CDH4: variants seen among roughly 807,000 people sequenced by gnomAD.
The protein encoded by CDH4 is cadherin 4.
In CDH4, 33 loss-of-function variants were observed where a neutral mutation model predicts 86.0. That is an observed-to-expected ratio of 0.38 (90% CI 0.29 to 0.51). The LOEUF (loss-of-function observed/expected upper bound fraction) is 0.51, where lower values mean the gene tolerates loss of function less well. Ranked by LOEUF, CDH4 falls within the 20% of genes least tolerant of loss-of-function variation. CDH4 has a pLI of 0.86. For synonymous variants in CDH4, 555 were observed against 549.4 expected (o/e 1.01, Z -0.14); for missense variants, 1,114 against 1,307.4 (o/e 0.85, Z 2.28).
chr20:61,536,548 G>A (rs1033710116), intron 2 of CDH4, among the ~76,000 whole-genome samples: 30 of 152,210 alleles, frequency 2.0e-4, no homozygotes, highest in Admixed American at 5.2e-4. Context: ...CACCCCTTCC[G>A]ATGCTCCCCA....
At chr20:61,767,024 G>A (rs780515079) in intron 3 of CDH4, among the ~76,000 whole-genome samples, 8 of 152,236 alleles carry the variant, frequency 5.3e-5, no homozygotes, top group Non-Finnish European at 1.0e-4. Context: ...TCCAGTCCTG[G>A]CCTTCCAAGC....
rs116511654 is a variant in CDH4, at chr20:61,896,368, C to T, written c.1188+1321C>T. 3.4e-4 allele frequency among the ~76,000 whole-genome samples: 52 copies of T among 152,340 alleles called. No homozygotes were observed. The East Asian group carries it at 7.1e-3, about 21-fold the overall frequency. Reference sequence around the variant, plus strand: ...GAGCCCCTCGCCACAGCGGCCGTCCCGCATCTGGGCCTCCTGCGTCCTGCA... The same window carrying T: ...GAGCCCCTCGCCACAGCGGCCGTCCTGCATCTGGGCCTCCTGCGTCCTGCA... On this transcript the variant is annotated intron_variant, in intron 8 of 15. Transcript: ENST00000614565.
chr20:61,298,024 C>T, intron 2 of CDH4, among the ~76,000 whole-genome samples: 1 of 152,342 alleles, frequency 6.6e-6, no homozygotes, highest in East Asian at 1.9e-4. Flanking sequence ...GAGGCCCACG[C>T]AGGCACCCGA....
chr20:61,478,268 C>T (rs1457275059), intron 2 of CDH4, among the ~76,000 whole-genome samples: 1 of 152,136 alleles, frequency 6.6e-6, no homozygotes, highest in Non-Finnish European at 1.5e-5. Context: ...TCTGCCAGAA[C>T]GGACATGATC....
chr20:61,426,504 C>T (rs1459355613), intron 2 of CDH4, among the ~76,000 whole-genome samples: 1 of 152,196 alleles, frequency 6.6e-6, no homozygotes, highest in Non-Finnish European at 1.5e-5. Context: ...CAGTTCTGAG[C>T]TTCAGCAACT....
chr20:61,428,822 G>A (rs1187050481), intron 2 of CDH4, among the ~76,000 whole-genome samples: 1 of 152,192 alleles, frequency 6.6e-6, no homozygotes, highest in Non-Finnish European at 1.5e-5. Flanking sequence ...TCGATGGGGA[G>A]AGAGAGATAG....
intron 4 of CDH4, among the ~76,000 whole-genome samples, chr20:61,786,853 G>T (rs1040436458): frequency 4.6e-5 from 7 of 152,218 alleles, no homozygotes; most frequent in Non-Finnish European, 1.0e-4. Context: ...CTCCAGGACT[G>T]CTGACCAGAC....
intron 2 of CDH4, among the ~76,000 whole-genome samples, chr20:61,293,109 G>C (rs887169723): frequency 1.3e-5 from 2 of 152,166 alleles, no homozygotes; most frequent in Non-Finnish European, 2.9e-5. Context: ...CATCAGGATG[G>C]TGGGGACCTA....
intron 2 of CDH4, among the ~76,000 whole-genome samples, chr20:61,627,324 C>T (rs894233515): frequency 2.0e-5 from 3 of 152,132 alleles, no homozygotes; most frequent in Non-Finnish European, 2.9e-5. Context: ...GCCTGCCTGC[C>T]GGCTTCAGGC....
rs562986745 is a variant in CDH4 at position 61,437,235 on chromosome 20, C to T, written c.169+182298C>T. 7 of 152,384 alleles carry T rather than the reference C, an allele frequency of 4.6e-5. No homozygotes were observed. The East Asian group carries it at 5.8e-4, about 13-fold the overall frequency. 9.4% of individuals were successfully genotyped at this position (152,384 alleles called of 1,614,324 possible). A position where few individuals can be genotyped will look rare whatever the true frequency, so the allele number is the denominator to read the frequency against. On this transcript the variant is annotated intron_variant, in intron 2 of 15. Coordinates refer to ENST00000614565, the MANE Select transcript of CDH4 (RefSeq NM_001794.5). Reference sequence around the variant, plus strand: ...CTGCTTTTCAACCAGAGAAATGACTCGTCTAGCAAGATCCTAGGCCCTTAG... The same window carrying T: ...CTGCTTTTCAACCAGAGAAATGACTTGTCTAGCAAGATCCTAGGCCCTTAG...
chr20:61,574,831 C>G (rs985477447), intron 2 of CDH4, among the ~76,000 whole-genome samples: 1 of 152,206 alleles, frequency 6.6e-6, no homozygotes. Flanking sequence ...GAAGTGCCAG[C>G]TGCCATATGC....
intron 10 of CDH4, 61 bp downstream of exon 10, chr20:61,923,765 TCCAGAAATACC>T (rs747095882): frequency 1.1e-4 from 177 of 1,543,110 alleles, no homozygotes; most frequent in Non-Finnish European, 1.5e-4. Context: ...TACAGAAGGG[TCCAGAAATACC>T]CCATGAAACC....
chr20:61,372,576 T>C lies in CDH4; in HGVS notation c.169+117639T>C, dbSNP rs572210844. Among the ~76,000 whole-genome samples the C allele has an allele frequency of 5.9e-4, 90 of 152,342 alleles. 1 individual carries two copies. The South Asian group carries it at 0.018, about 31-fold the overall frequency. ...GAGCCCTGCCGGACCTCTGGATTGC[T>C]CCTGGGTCACCCCAAAGCTGTGGTG... On this transcript the variant is annotated intron_variant, in intron 2 of 15. Coordinates refer to ENST00000614565, the MANE Select transcript of CDH4 (RefSeq NM_001794.5).
intron 2 of CDH4, among the ~76,000 whole-genome samples, chr20:61,265,912 AGTGTCCCTTGTGGGTCCTGAG>A (rs1189829756): frequency 1.3e-5 from 2 of 152,224 alleles, no homozygotes; most frequent in African/African-American, 4.8e-5. Flanking sequence ...TCAGAGGGGC[AGTGTCCCTTGTGGGTCCTGAG>A]GTGGGGATTT....
intron 2 of CDH4, among the ~76,000 whole-genome samples, chr20:61,287,555 A>G (rs1242210810): frequency 6.6e-6 from 1 of 152,180 alleles, no homozygotes. Context: ...TAGCATTCAC[A>G]AGGGATGCCC....
chr20:61,923,187 T>C (rs567786539), intron 9 of CDH4, among the ~76,000 whole-genome samples: 19 of 152,308 alleles, frequency 1.2e-4, no homozygotes, highest in African/African-American at 4.6e-4. Context: ...GAGCCCAGCT[T>C]CTGCCTCAGC....
intron 2 of CDH4, among the ~76,000 whole-genome samples, chr20:61,548,514 A>T (rs1017088467): frequency 6.6e-6 from 1 of 152,102 alleles, no homozygotes; most frequent in African/African-American, 2.4e-5. Flanking sequence ...AAAATTTAAT[A>T]TGGAACTATC....
At chr20:61,348,108 T>G (rs2084690122) in intron 2 of CDH4, among the ~76,000 whole-genome samples, 1 of 152,196 alleles carries the variant, frequency 6.6e-6, no homozygotes, top group Admixed American at 6.5e-5. Flanking sequence ...TATATTAGTC[T>G]GTTCTTACAC....
At chr20:61,362,446 T>C (rs113432723) in intron 2 of CDH4, among the ~76,000 whole-genome samples, 27,594 of 106,358 alleles carry the variant, frequency 0.26, 2,873 homozygotes, top group East Asian at 0.42. Flanking sequence ...TAGTGGAGAG[T>C]GGAGACGTGG....
Sources: allele counts gnomAD v4.1 joint callset (sites outside exome capture counted in the v4.1 genomes callset), GRCh38; gene constraint gnomAD v4.1.1; transcripts MANE v1.5; gene names NCBI Gene and HGNC (gene_info 2026-07-23, HGNC 2026-07-21).